GALNS: variants seen among roughly 807,000 people sequenced by gnomAD.
The protein encoded by GALNS is N-acetylgalactosamine-6-sulfatase.
In GALNS, 65 loss-of-function variants were observed where a neutral mutation model predicts 65.9. That is an observed-to-expected ratio of 0.99 (90% CI 0.81 to 1.21). The LOEUF is 1.21. GALNS is among the 50% of genes most tolerant of loss of function. The pLI is 0.00. For missense variants in GALNS, 776 were observed against 700.7 expected (o/e 1.11, Z -1.21); for synonymous variants, 346 against 288.9 (o/e 1.20, Z -2.00).
rs1223135807 is a variant in GALNS at position 88,822,639 on chromosome 16, C to A, written c.1314G>T (p.Leu438=). The change falls in exon 12 of 14, where the codon CTG becomes CTT. Residue 438 remains leucine (L), a synonymous_variant. Transcript: ENST00000268695. ...TTHNLEDHTK[L]PLIFHLGRDP... is the part of the protein sequence containing the mutation. ...CCCGTCCCAGGTGGAAGATCAGGGG[C>A]AGCTTCGTGTGGTCTTCCAGATTGT... 6.2e-7 allele frequency: 1 copy of A among 1,613,144 alleles called. No homozygotes were observed. The highest frequency in any genetic ancestry group is 8.5e-7 in the Non-Finnish European group (1 of 1,179,880).
At chr16:88,817,975 A>G in intron 13 of GALNS, 32 bp downstream of exon 13, 2 of 1,532,906 alleles carry the variant, frequency 1.3e-6, no homozygotes, top group South Asian at 2.4e-5. Flanking sequence ...AGCCCCGGCA[A>G]AGAGACGGCC....
At chr16:88,819,681 T>C (rs185752990) in intron 12 of GALNS, among the ~76,000 whole-genome samples, 1 of 152,146 alleles carries the variant, frequency 6.6e-6, no homozygotes, top group African/African-American at 2.4e-5. Context: ...CATAGATCAC[T>C]GTGCCTGGCT....
chr16:88,817,425 TG>T (rs1413330983), intron 13 of GALNS: 2 of 985,172 alleles, frequency 2.0e-6, no homozygotes, highest in Non-Finnish European at 2.4e-6. Context: ...TGCCTATGAG[TG>T]AGATCAGGTC....
Position 88,814,208 on chromosome 16 carries a change from G to T in GALNS, c.*231C>A. ...AGGGTCCTGAGGTCTGAGGCGCCGT[G>T]GGCGAGGAGGAGGGTCCTGAAATCT... On this transcript the variant is annotated 3_prime_UTR_variant, in exon 14 of 14. Transcript: ENST00000268695. 1 of 610,628 alleles carries T rather than the reference G, an allele frequency of 1.6e-6. No individual in the cohort carries two copies. Among genetic ancestry groups the T allele is most frequent in the South Asian group, 1.9e-5 (1 of 52,506 alleles). The allele number at this position is 610,628 out of a possible 1,614,324, so 37.8% of individuals were successfully genotyped here.
intron 2 of GALNS, chr16:88,842,225 G>A (rs996950698): frequency 2.7e-5 from 16 of 601,446 alleles, no homozygotes; most frequent in African/African-American, 2.2e-4. Flanking sequence ...GCCTCCTTTC[G>A]CAGGCTCCTG....
chr16:88,826,325 C>A lies in GALNS; in HGVS notation c.1139+377G>T, dbSNP rs1197835759. On this transcript the variant is annotated intron_variant, in intron 10 of 13. Coordinates refer to ENST00000268695, the MANE Select transcript of GALNS (RefSeq NM_000512.5). ...GGGGCGGCGTGTGTCTGGGTACAGG[C>A]AGGGAACAGGGGTGCGGCGGACAGG... Among the ~76,000 whole-genome samples the A allele has an allele frequency of 2.4e-5, 3 of 125,616 alleles. No homozygotes were observed. The East Asian group carries it at 7.2e-4, about 30-fold the overall frequency. 82.4% of individuals were successfully genotyped at this position (125,616 alleles called of 152,430 possible). A position where few individuals can be genotyped will look rare whatever the true frequency, so the allele number is the denominator to read the frequency against.
chr16:88,835,911 G>A (rs1246393757), intron 6 of GALNS, 62 bp from the exon 7 acceptor site: 13 of 1,610,640 alleles, frequency 8.1e-6, no homozygotes, highest in Non-Finnish European at 9.3e-6. Context: ...GCCTCCCACG[G>A]TCCCCGTCCC....
At chr16:88,816,782 A>C in intron 13 of GALNS, 6 of 985,378 alleles carry the variant, frequency 6.1e-6, no homozygotes, top group Non-Finnish European at 7.2e-6. Context: ...CTGGCCCTGG[A>C]AAGAGGCTTC....
chr16:88,834,246 T>C (rs1410058862), intron 8 of GALNS, among the ~76,000 whole-genome samples: 1 of 152,202 alleles, frequency 6.6e-6, no homozygotes, highest in Non-Finnish European at 1.5e-5. Context: ...CACTTGAAAC[T>C]CTGAAGCCCC....
intron 10 of GALNS, among the ~76,000 whole-genome samples, chr16:88,825,148 G>C (rs1281010937): frequency 1.4e-5 from 2 of 144,248 alleles, no homozygotes; most frequent in Admixed American, 6.9e-5. Context: ...GGCCGGGGCT[G>C]GGGTGACTGG....
intron 1 of GALNS, chr16:88,855,793 CACT>C (rs1363070414): frequency 3.8e-6 from 2 of 524,276 alleles, no homozygotes; most frequent in Non-Finnish European, 6.8e-6. Context: ...CCGTGGCCCC[CACT>C]GGTCAGCACA....
chr16:88,836,125 C>G, intron 6 of GALNS, 76 bp downstream of exon 6: 3 of 1,377,122 alleles, frequency 2.2e-6, no homozygotes, highest in Admixed American at 1.8e-5. Context: ...TGTCCCCACG[C>G]CTCCCACAGG....
At chr16:88,816,019 C>A in intron 13 of GALNS, 2 of 985,348 alleles carry the variant, frequency 2.0e-6, no homozygotes, top group Non-Finnish European at 2.4e-6. Flanking sequence ...GTAAGGAGGG[C>A]CCCCAGGCTT....
intron 1 of GALNS, chr16:88,844,825 G>A (rs1191329636): frequency 6.6e-6 from 1 of 152,292 alleles, no homozygotes; most frequent in African/African-American, 2.4e-5. Flanking sequence ...ATTATGTAAA[G>A]GGCCTCACAG....
At position 88,834,634 on chromosome 16, in the gene GALNS, GC is replaced by G. The variant is rs148250960; in HGVS notation, c.898+578del. The stretch of plus-strand genomic sequence containing the variant: ...GTGTGGTCTGGGAAGAGGCTGCAGG[GC>G]CCCCCCCCGCGTGGTCTGGGAAGAG... On this transcript the variant is annotated intron_variant, in intron 8 of 13. Coordinates refer to ENST00000268695, the MANE Select transcript of GALNS (RefSeq NM_000512.5). Among the ~76,000 whole-genome samples the G allele has an allele frequency of 1.6e-4, 11 of 69,366 alleles. 1 individual carries two copies. Among genetic ancestry groups the G allele is most frequent in the Non-Finnish European group, 2.9e-4 (8 of 28,010 alleles). 45.5% of individuals were successfully genotyped at this position (69,366 alleles called of 152,430 possible). A position where few individuals can be genotyped will look rare whatever the true frequency, so the allele number is the denominator to read the frequency against.
At chr16:88,834,160 A>G (rs573312576) in intron 8 of GALNS, among the ~76,000 whole-genome samples, 14 of 152,378 alleles carry the variant, frequency 9.2e-5, no homozygotes, top group Non-Finnish European at 1.9e-4. Flanking sequence ...AGGCTCACCC[A>G]GGGGAGCTAT....
chr16:88,827,114 C>T lies in GALNS; in HGVS notation c.1003-276G>A, dbSNP rs944869438. 4 of 562,250 alleles carry T rather than the reference C, an allele frequency of 7.1e-6. No individual in the cohort carries two copies. The African/African-American group carries it at 7.5e-5, about 11-fold the overall frequency. 34.8% of individuals were successfully genotyped at this position (562,250 alleles called of 1,614,324 possible). On this transcript the variant is annotated intron_variant, in intron 9 of 13. Transcript: ENST00000268695. ...GATCAGATGAAAGGAGAATCACAGC[C>T]CTCCCAGGGAGATGCCCCTCCAGGC...
rs1967004017 is a variant in GALNS at position 88,842,108 on chromosome 16, G to A, written c.245-137C>T. The A allele has an allele frequency of 3.9e-6, 3 of 774,942 alleles. No homozygotes were observed. The South Asian group carries it at 4.4e-5, about 11-fold the overall frequency. 48.0% of individuals were successfully genotyped at this position (774,942 alleles called of 1,614,324 possible). On this transcript the variant is annotated intron_variant, in intron 2 of 13. Coordinates refer to ENST00000268695, the MANE Select transcript of GALNS (RefSeq NM_000512.5). ...AGGTTTACAAGGGGCTGCCACGCCT[G>A]TCAATCCCCGTTAGCGTCTCCACCA...
chr16:88,822,493 G>A lies in GALNS; in HGVS notation c.1364+96C>T, dbSNP rs374511052. ...GCAGATGCAGGCAAGGGGAGGCGGCGGGCAGGGTGCAGAGGGCTCTGTCCC... is the reference window on the plus strand; with the variant it reads ...GCAGATGCAGGCAAGGGGAGGCGGCAGGCAGGGTGCAGAGGGCTCTGTCCC... On this transcript the variant is annotated intron_variant, in intron 12 of 13. Transcript: ENST00000268695. 7.3e-5 allele frequency: 110 copies of A among 1,514,756 alleles called. 1 individual carries two copies. The highest frequency in any genetic ancestry group is 5.8e-4 in the East Asian group (25 of 43,252). The allele number at this position is 1,514,756 out of a possible 1,614,324, so 93.8% of individuals were successfully genotyped here. A position where few individuals can be genotyped will look rare whatever the true frequency, so the allele number is the denominator to read the frequency against.
Sources: gnomAD v4.1 joint callset for allele counts (sites outside exome capture counted in the v4.1 genomes callset) on GRCh38, gnomAD v4.1.1 for gene constraint, MANE v1.5 for transcripts, NCBI Gene and HGNC (gene_info 2026-07-23, HGNC 2026-07-21) for gene names.